CNTN3: variants seen among roughly 807,000 people sequenced by gnomAD.
CNTN3 encodes the protein contactin 3.
A neutral mutation model predicts 119.1 loss-of-function variants in CNTN3; 60 were observed. That is an observed-to-expected ratio of 0.50 (90% confidence interval 0.41 to 0.62). CNTN3 has a LOEUF of 0.62. CNTN3 is among the 20% of genes least tolerant of loss of function. The pLI, the probability that CNTN3 is intolerant of heterozygous loss-of-function variation, is 0.00. For missense variants in CNTN3, 1,101 were observed against 1,242.4 expected (o/e 0.89, Z 1.71); for synonymous variants, 450 against 438.7 (o/e 1.03, Z -0.32).
chr3:74,377,570 T>C (rs1004313254), intron 5 of CNTN3, among the ~76,000 whole-genome samples: 3 of 152,222 alleles, frequency 2.0e-5, no homozygotes, highest in Non-Finnish European at 4.4e-5. Flanking sequence ...AACAAGCTAG[T>C]CTTTACAAAA....
rs78229265 is a variant in CNTN3 at position 74,612,063 on chromosome 3, A to G, written c.-81+2328T>C. Among the ~76,000 whole-genome samples, 151 of 152,302 alleles carry G rather than the reference A, an allele frequency of 9.9e-4. 1 individual carries two copies. The East Asian group carries it at 0.019, about 20-fold the overall frequency. On this transcript the variant is annotated intron_variant, in intron 1 of 22. Coordinates refer to ENST00000263665, the MANE Select transcript of CNTN3 (RefSeq NM_020872.3). Reference sequence around the variant, plus strand: ...CAGATCTGACAGTTTGGAAGCAGCAATTATATCTATATACTATTTCAGCAT... The same window carrying G: ...CAGATCTGACAGTTTGGAAGCAGCAGTTATATCTATATACTATTTCAGCAT...
chr3:74,411,938 A>G (rs994759166), intron 5 of CNTN3, among the ~76,000 whole-genome samples: 6 of 152,222 alleles, frequency 3.9e-5, no homozygotes, highest in Non-Finnish European at 8.8e-5. Context: ...ACTTTCAGAT[A>G]TAATAATGTC....
chr3:74,577,898 T>C (rs1274254627), intron 1 of CNTN3, among the ~76,000 whole-genome samples: 2 of 152,254 alleles, frequency 1.3e-5, no homozygotes, highest in East Asian at 3.9e-4. Flanking sequence ...GCATTCCATA[T>C]GTATTTGTTA....
At chr3:74,358,520 G>T (rs189431967) in intron 11 of CNTN3, among the ~76,000 whole-genome samples, 181 of 150,596 alleles carry the variant, frequency 1.2e-3, no homozygotes, top group Non-Finnish European at 2.0e-3. Flanking sequence ...GATTAGTATG[G>T]TATAAGGAAG....
intron 4 of CNTN3, among the ~76,000 whole-genome samples, chr3:74,450,617 T>G (rs559261040): frequency 4.5e-4 from 67 of 150,278 alleles, no homozygotes; most frequent in African/African-American, 1.5e-3. Flanking sequence ...ACCCACTAAC[T>G]CGTCATCTAG....
intron 5 of CNTN3, among the ~76,000 whole-genome samples, chr3:74,399,559 T>C (rs1705139851): frequency 2.0e-5 from 3 of 152,336 alleles, no homozygotes; most frequent in Non-Finnish European, 2.9e-5. Flanking sequence ...GGCATTCCAG[T>C]TGATTCCCTG....
At chr3:74,449,128 G>A (rs1417097109) in intron 4 of CNTN3, among the ~76,000 whole-genome samples, 2 of 151,796 alleles carry the variant, frequency 1.3e-5, no homozygotes, top group East Asian at 1.9e-4. Context: ...AAGCCCTTGA[G>A]TATAAATCAT....
intron 11 of CNTN3, 105 bp downstream of exon 11, chr3:74,361,785 C>A: frequency 8.6e-7 from 1 of 1,160,224 alleles, no homozygotes; most frequent in East Asian, 2.5e-5. Flanking sequence ...ATCTCACATG[C>A]TACTGAAATG....
At chr3:74,289,050 C>T (rs1702175475) in intron 19 of CNTN3, among the ~76,000 whole-genome samples, 1 of 152,188 alleles carries the variant, frequency 6.6e-6, no homozygotes, top group South Asian at 2.1e-4. Flanking sequence ...GAGCTATTAA[C>T]AATTTTAAAG....
chr3:74,267,485 G>A lies in CNTN3; in HGVS notation c.2705-107C>T, dbSNP rs192606072. The A allele has an allele frequency of 2.1e-5, 16 of 748,692 alleles. No homozygotes were observed. In the African/African-American group the frequency reaches 2.8e-4, roughly 13 times the overall value. The allele number at this position is 748,692 out of a possible 1,614,324, so 46.4% of individuals were successfully genotyped here. A position where few individuals can be genotyped will look rare whatever the true frequency, so the allele number is the denominator to read the frequency against. On this transcript the variant is annotated intron_variant, in intron 20 of 22. Transcript: ENST00000263665. ...GAAGCTAGTGGAAGTAGAACGGGAT[G>A]CCTTTGGTAATGCTTGGTGTAATAG...
At chr3:74,421,661 A>C (rs2106891105) in intron 5 of CNTN3, among the ~76,000 whole-genome samples, 1 of 152,314 alleles carries the variant, frequency 6.6e-6, no homozygotes, top group Non-Finnish European at 1.5e-5. Flanking sequence ...AGCTAACACA[A>C]AGTATGGGAG....
At chr3:74,519,228 T>G (rs2107118606) in intron 2 of CNTN3, among the ~76,000 whole-genome samples, 1 of 151,920 alleles carries the variant, frequency 6.6e-6, no homozygotes, top group East Asian at 1.9e-4. Context: ...TTACATATAA[T>G]TTGTCACATG....
At chr3:74,414,921 C>A (rs934782806) in intron 5 of CNTN3, among the ~76,000 whole-genome samples, 4 of 107,018 alleles carry the variant, frequency 3.7e-5, no homozygotes, top group South Asian at 3.3e-4. Flanking sequence ...AACTAATGGT[C>A]TTTCTGTTTC....
intron 4 of CNTN3, among the ~76,000 whole-genome samples, chr3:74,450,337 G>T (rs1427099626): frequency 6.6e-6 from 1 of 151,844 alleles, no homozygotes; most frequent in African/African-American, 2.4e-5. Flanking sequence ...CATTATTGTT[G>T]GTGAAAATGT....
chr3:74,359,100 G>A (rs1454064971), intron 11 of CNTN3, among the ~76,000 whole-genome samples: 1 of 151,998 alleles, frequency 6.6e-6, no homozygotes, highest in Non-Finnish European at 1.5e-5. Flanking sequence ...AAAAACAGTG[G>A]TTTTGGTTCA....
chr3:74,349,910 C>T (rs571903866), intron 11 of CNTN3, among the ~76,000 whole-genome samples: 77 of 152,288 alleles, frequency 5.1e-4, no homozygotes, highest in Admixed American at 1.5e-3. Context: ...GTTCTAACAA[C>T]GAACTGGCTT....
intron 20 of CNTN3, 25 bp downstream of exon 20, chr3:74,285,280 T>C: frequency 6.3e-7 from 1 of 1,578,686 alleles, no homozygotes; most frequent in South Asian, 1.2e-5. Flanking sequence ...TTCCGTACCA[T>C]TCAAAGAAAT....
chr3:74,437,798 T>C (rs949271734), intron 4 of CNTN3, among the ~76,000 whole-genome samples: 3 of 152,164 alleles, frequency 2.0e-5, no homozygotes, highest in African/African-American at 7.2e-5. Context: ...ACATTCTTTG[T>C]TTTGAAATGA....
At chr3:74,599,531 A>G (rs1273366991) in intron 1 of CNTN3, among the ~76,000 whole-genome samples, 1 of 152,054 alleles carries the variant, frequency 6.6e-6, no homozygotes, top group African/African-American at 2.4e-5. Context: ...TTAGATTCTC[A>G]TAAGGAGCAT....
Sources: gnomAD v4.1 joint callset for allele counts (sites outside exome capture counted in the v4.1 genomes callset) on GRCh38, gnomAD v4.1.1 for gene constraint, MANE v1.5 for transcripts, NCBI Gene and HGNC (gene_info 2026-07-23, HGNC 2026-07-21) for gene names.